Variants in SCIN observed in about 807,000 individuals in gnomAD.
The protein encoded by SCIN is adseverin.
A neutral mutation model predicts 91.8 loss-of-function variants in SCIN; 91 were observed. The ratio of observed to expected loss-of-function variants is 0.99; its 90% CI spans 0.84 to 1.18. SCIN has a LOEUF of 1.18. Among genes scored for constraint, SCIN ranks in the 50% most tolerant of loss-of-function variants. The pLI, the probability that SCIN is intolerant of heterozygous loss-of-function variation, is 0.00. For missense variants in SCIN, 1,087 were observed against 863.9 expected (o/e 1.26, Z -3.24); for synonymous variants, 367 against 312.6 (o/e 1.17, Z -1.84).
At chr7:12,620,169 T>G (rs1356729968) in intron 4 of SCIN, among the ~76,000 whole-genome samples, 1 of 152,056 alleles carries the variant, frequency 6.6e-6, no homozygotes, top group African/African-American at 2.4e-5. Flanking sequence ...ACAATCAATA[T>G]AATTAACATC....
rs991661778 is a variant in SCIN at position 12,636,125 on chromosome 7, A to T, written c.1400A>T (p.Gln467Leu). ...CAGTTGGATCGGTCCCTTGGAGGAC[A>T]GGCTGTGCAGGTTGGGATATTTTTA... ...TVQLDRSLGG[Q>L]AVQIRVSQGK... The change falls in exon 10 of 16, where the codon CAG becomes CTG. Residue 467 changes from glutamine (Q) to leucine (L), a missense_variant. By Grantham distance (113) the Gln-to-Leu change is moderately radical. Coordinates refer to ENST00000297029, the MANE Select transcript of SCIN (RefSeq NM_001112706.3). 3 of 1,612,128 alleles carry T rather than the reference A, an allele frequency of 1.9e-6. No individual in the cohort carries two copies. The highest frequency in any genetic ancestry group is 2.5e-6 in the Non-Finnish European group (3 of 1,179,050).
At chr7:12,595,655 C>A (rs1289720239) in intron 3 of SCIN, 1 of 152,038 alleles carries the variant, frequency 6.6e-6, no homozygotes, top group Admixed American at 6.5e-5. Context: ...TAATATTCAG[C>A]CATAGCTTCA....
intron 3 of SCIN, chr7:12,596,265 TCCAGTGGCG>T: frequency 2.4e-6 from 1 of 425,250 alleles, no homozygotes; most frequent in Non-Finnish European, 4.7e-6. Flanking sequence ...TCTTCCTTTT[TCCAGTGGCG>T]TGTCCCCAGA....
rs541155406 is a variant in SCIN, at chr7:12,579,552, G to C, written c.354+1334G>C. On this transcript the variant is annotated intron_variant, in intron 2 of 15. Coordinates refer to ENST00000297029, the MANE Select transcript of SCIN (RefSeq NM_001112706.3). ...GAAAATACTGAGCTTTCTGTGCTCA[G>C]TTTCCCCAAACAATGAATATTATAA... Among the ~76,000 whole-genome samples, 520 of 152,300 alleles carry C rather than the reference G, an allele frequency of 3.4e-3. 3 individuals carry two copies. Among genetic ancestry groups the C allele is most frequent in the African/African-American group, 0.012 (479 of 41,564 alleles).
chr7:12,636,919 T>TA (rs148676359), intron 10 of SCIN, among the ~76,000 whole-genome samples: 36,087 of 150,240 alleles, frequency 0.24, 4,830 homozygotes, highest in South Asian at 0.42. Flanking sequence ...AAAATAAAAT[T>TA]AAAAAAAAAG....
intron 2 of SCIN, among the ~76,000 whole-genome samples, chr7:12,578,528 C>T (rs1293354498): frequency 6.6e-6 from 1 of 152,112 alleles, no homozygotes; most frequent in East Asian, 1.9e-4. Flanking sequence ...GTAGCTATTT[C>T]AACATTTAAA....
intron 1 of SCIN, 94 bp downstream of exon 1, chr7:12,571,079 A>C: frequency 7.5e-7 from 1 of 1,325,984 alleles, no homozygotes; most frequent in South Asian, 1.5e-5. Flanking sequence ...AGTAAAGGGG[A>C]CCGCAAACTG....
At chr7:12,578,626 C>T (rs1202073592) in intron 2 of SCIN, among the ~76,000 whole-genome samples, 1 of 151,962 alleles carries the variant, frequency 6.6e-6, no homozygotes, top group Non-Finnish European at 1.5e-5. Context: ...CCTTCAAAAT[C>T]TCAGTTGTTC....
intron 3 of SCIN, among the ~76,000 whole-genome samples, chr7:12,590,247 G>A (rs1782689787): frequency 6.6e-6 from 1 of 152,208 alleles, no homozygotes; most frequent in Admixed American, 6.5e-5. Context: ...ATAAGAGTAA[G>A]AATAAATTTT....
At chr7:12,594,323 G>C (rs918242327) in intron 3 of SCIN, among the ~76,000 whole-genome samples, 3 of 152,076 alleles carry the variant, frequency 2.0e-5, no homozygotes, top group African/African-American at 7.2e-5. Context: ...GTCTGTGGGT[G>C]GGGTGACGGG....
intron 10 of SCIN, among the ~76,000 whole-genome samples, chr7:12,637,568 T>C (rs1783776874): frequency 7.2e-6 from 1 of 139,762 alleles, no homozygotes; most frequent in African/African-American, 2.7e-5. Context: ...ATGAGACAAG[T>C]AAGGAGGAGA....
At chr7:12,582,074 G>C (rs1386181442) in intron 3 of SCIN, among the ~76,000 whole-genome samples, 2 of 151,972 alleles carry the variant, frequency 1.3e-5, no homozygotes, top group Non-Finnish European at 2.9e-5. Flanking sequence ...AACATTTCTG[G>C]GCCAAACGTT....
chr7:12,580,922 G>A (rs1782474298), intron 2 of SCIN, 138 bp from the exon 3 acceptor site: 8 of 702,186 alleles, frequency 1.1e-5, no homozygotes, highest in Non-Finnish European at 6.9e-6. Context: ...TATGGAATAG[G>A]TGGCTATTTT....
At chr7:12,590,731 G>A (rs535367017) in intron 3 of SCIN, among the ~76,000 whole-genome samples, 15 of 152,180 alleles carry the variant, frequency 9.9e-5, no homozygotes, top group African/African-American at 3.1e-4. Flanking sequence ...GAACCTGTTC[G>A]ATGTCCTCAA....
chr7:12,580,592 T>TG (rs1185641845), intron 2 of SCIN, among the ~76,000 whole-genome samples: 3 of 152,196 alleles, frequency 2.0e-5, no homozygotes, highest in Non-Finnish European at 4.4e-5. Flanking sequence ...CAACCATCTC[T>TG]GTCCCAACCC....
chr7:12,627,037 C>T (rs1314095921), intron 8 of SCIN, among the ~76,000 whole-genome samples: 2 of 151,424 alleles, frequency 1.3e-5, no homozygotes, highest in Non-Finnish European at 2.9e-5. Flanking sequence ...CTGCAGTGAG[C>T]CAAGATCATA....
rs1392789413 is a variant in SCIN at position 12,657,633 on chromosome 7, T to C, written c.*4918T>C. 2.2e-5 allele frequency: 3 copies of C among 138,548 alleles called. No individual in the cohort carries two copies. Among genetic ancestry groups the C allele is most frequent in the East Asian group, 2.3e-4 (1 of 4,412 alleles). The allele number at this position is 138,548 out of a possible 1,614,324, so 8.6% of individuals were successfully genotyped here. ...AAAAAACAAAGATATTGTTTAGCAATTTCCTTGTATAATGCAATCAGTGGA... is the reference window on the plus strand; with the variant it reads ...AAAAAACAAAGATATTGTTTAGCAACTTCCTTGTATAATGCAATCAGTGGA... On this transcript the variant is annotated 3_prime_UTR_variant, in exon 16 of 16. Coordinates refer to ENST00000297029, the MANE Select transcript of SCIN (RefSeq NM_001112706.3).
chr7:12,585,412 C>T (rs547809775), intron 3 of SCIN, among the ~76,000 whole-genome samples: 1 of 152,222 alleles, frequency 6.6e-6, no homozygotes, highest in Non-Finnish European at 1.5e-5. Context: ...ATTGTCTCTT[C>T]TTTTATACAT....
chr7:12,581,875 T>C (rs1261026576), intron 3 of SCIN, among the ~76,000 whole-genome samples: 1 of 152,166 alleles, frequency 6.6e-6, no homozygotes, highest in Admixed American at 6.5e-5. Context: ...AGGTAGAATA[T>C]AAGTTGTGTC....
Sources: allele counts gnomAD v4.1 joint callset (sites outside exome capture counted in the v4.1 genomes callset), GRCh38; gene constraint gnomAD v4.1.1; transcripts MANE v1.5; gene names NCBI Gene and HGNC (gene_info 2026-07-23, HGNC 2026-07-21).